Variants in ANGEL1 observed in about 807,000 individuals in gnomAD.
ANGEL1 encodes angel homolog 1.
ANGEL1 carries 62 observed loss-of-function variants against 76.4 expected under a neutral mutation model. The observed-to-expected ratio is 0.81, with a 90% CI of 0.66 to 1.00. ANGEL1 has a LOEUF of 1.00. Ranked by LOEUF, ANGEL1 falls within the 50% of genes least tolerant of loss-of-function variation. The probability of loss-of-function intolerance (pLI) is 0.00; values close to 1 mark genes in which losing one functional copy is unlikely to be tolerated. For missense variants in ANGEL1, 737 were observed against 836.7 expected, an observed-to-expected ratio of 0.88 and a Z score of 1.47; for synonymous variants, 340 against 331.7, an observed-to-expected ratio of 1.03 and a Z score of -0.27.
intron 1 of ANGEL1, among the ~76,000 whole-genome samples, chr14:76,811,534 GC>G (rs1566703034): frequency 0.028 from 3,408 of 121,628 alleles, 179 homozygotes; most frequent in East Asian, 0.085. Context: ...GGCGGGGGGG[GC>G]CCTCCTCTGA....
chr14:76,805,883 C>G (rs373254056), intron 5 of ANGEL1, among the ~76,000 whole-genome samples: 1 of 152,312 alleles, frequency 6.6e-6, no homozygotes, highest in East Asian at 1.9e-4. Context: ...TTAGTTTCCT[C>G]ATTTATAAAA....
Position 76,806,772 on chromosome 14 carries a change from G to A in ANGEL1, c.1024C>T (p.Arg342Cys), listed in dbSNP as rs141369993. Residue 342 changes from arginine (R) to cysteine (C), a missense_variant, in exon 5 of 10, where the codon CGC becomes TGC. Coordinates refer to ENST00000251089, the MANE Select transcript of ANGEL1 (RefSeq NM_015305.4). ...TCCACAGGGCTAGCACAGAGCAGGC[G>A]GAATCTGGTAGGCTTGTAGCAGACA... ...CAVCYKPTRFRLLCASPVEYF... is the reference protein window; with the variant it reads ...CAVCYKPTRFCLLCASPVEYF... 37 of 1,614,082 alleles carry A rather than the reference G, an allele frequency of 2.3e-5. No homozygotes were observed. The highest frequency in any genetic ancestry group is 2.2e-5 in the South Asian group (2 of 91,088).
chr14:76,807,227 T>C (rs770679994), intron 4 of ANGEL1, among the ~76,000 whole-genome samples: 1 of 152,204 alleles, frequency 6.6e-6, no homozygotes, highest in African/African-American at 2.4e-5. Context: ...CTCACCACAT[T>C]GGTTACTTCA....
At chr14:76,798,811 G>C (rs1894660420) in intron 7 of ANGEL1, among the ~76,000 whole-genome samples, 1 of 151,922 alleles carries the variant, frequency 6.6e-6, no homozygotes, top group African/African-American at 2.4e-5. Context: ...AGCTGGGCAT[G>C]GTGTCGCATG....
At chr14:76,790,901 C>G (rs1894386705) in intron 8 of ANGEL1, 127 bp from the exon 9 acceptor site, 1 of 1,308,770 alleles carries the variant, frequency 7.6e-7, no homozygotes, top group African/African-American at 1.5e-5. Context: ...TCAGCCAATT[C>G]CTCCCCATGC....
intron 7 of ANGEL1, among the ~76,000 whole-genome samples, chr14:76,795,988 TTTCA>T (rs575696874): frequency 4.0e-4 from 61 of 152,266 alleles, no homozygotes; most frequent in Non-Finnish European, 6.2e-4. Flanking sequence ...TTTTGCTTTC[TTTCA>T]GTTTCTTTCT....
At chr14:76,798,569 A>T (rs1894652212) in intron 7 of ANGEL1, among the ~76,000 whole-genome samples, 1 of 152,236 alleles carries the variant, frequency 6.6e-6, no homozygotes, top group Admixed American at 6.5e-5. Context: ...ACCATACTGG[A>T]AAAAAGAAAT....
intron 7 of ANGEL1, among the ~76,000 whole-genome samples, chr14:76,799,168 G>A (rs1369408584): frequency 6.6e-6 from 1 of 151,468 alleles, no homozygotes; most frequent in Non-Finnish European, 1.5e-5. Context: ...TGCACAGTTG[G>A]GTTGGATGAT....
In ANGEL1 at chr14:76,807,414, T is replaced by A. The variant is rs1894950541; in HGVS notation, c.946+19A>T. The A allele has an allele frequency of 6.2e-7, 1 of 1,605,922 alleles. No homozygotes were observed. The highest frequency in any genetic ancestry group is 1.7e-5 in the Admixed American group (1 of 59,290). On this transcript the variant is annotated intron_variant, in intron 4 of 9. Coordinates refer to ENST00000251089, the MANE Select transcript of ANGEL1 (RefSeq NM_015305.4). ...CTGTGGAAAGAAAAGCTGGCAAGCATCCCAGGGAGCTGCATTACCCATCAT... is the reference window on the plus strand; with the variant it reads ...CTGTGGAAAGAAAAGCTGGCAAGCAACCCAGGGAGCTGCATTACCCATCAT...
chr14:76,789,230 A>G lies in ANGEL1; in HGVS notation c.2011T>C (p.Ter671ArgextTer49), dbSNP rs1170327597. ...ASFGMEVTAP[*>R] is the part of the protein sequence containing the mutation. Reference sequence around the variant, plus strand: ...GCTCTCTTCCCCTGGGAGCCCTGTCATGGGGCGGTGACTTCCATCCCGAAG... The same window carrying G: ...GCTCTCTTCCCCTGGGAGCCCTGTCGTGGGGCGGTGACTTCCATCCCGAAG... The change falls in exon 10 of 10, where the codon TGA (stop) becomes CGA (arginine). Residue 671 changes from the stop codon to arginine, a stop_lost. Transcript: ENST00000251089. 6.2e-7 allele frequency: 1 copy of G among 1,614,218 alleles called. No individual in the cohort carries two copies. The highest frequency in any genetic ancestry group is 2.2e-5 in the East Asian group (1 of 44,880).
chr14:76,804,450 C>T (rs140005395), intron 5 of ANGEL1: 34 of 992,924 alleles, frequency 3.4e-5, no homozygotes, highest in Non-Finnish European at 4.0e-5. Flanking sequence ...GGGAAACATT[C>T]GGCAACATCA....
chr14:76,789,090 G>A lies in ANGEL1; in HGVS notation c.*138C>T. 1 of 1,213,030 alleles carries A rather than the reference G, an allele frequency of 8.2e-7. No individual in the cohort carries two copies. Among genetic ancestry groups the A allele is most frequent in the South Asian group, 1.4e-5 (1 of 68,994 alleles). The allele number at this position is 1,213,030 out of a possible 1,614,324, so 75.1% of individuals were successfully genotyped here. A position where few individuals can be genotyped will look rare whatever the true frequency, so the allele number is the denominator to read the frequency against. On this transcript the variant is annotated 3_prime_UTR_variant, in exon 10 of 10. Transcript: ENST00000251089. ...CAGGCCTGGAGAAAGTCTAACCGTGGGAAAAAGGGAACGAGGAGGGGGAAG... is the reference window on the plus strand; with the variant it reads ...CAGGCCTGGAGAAAGTCTAACCGTGAGAAAAAGGGAACGAGGAGGGGGAAG...
intron 4 of ANGEL1, 58 bp downstream of exon 4, chr14:76,807,375 G>C: frequency 6.6e-7 from 1 of 1,523,734 alleles, no homozygotes; most frequent in Non-Finnish European, 9.0e-7. Flanking sequence ...GTCTTCAGGA[G>C]AGAGTAGACA....
chr14:76,790,117 C>T (rs1268499149), intron 9 of ANGEL1, among the ~76,000 whole-genome samples: 1 of 152,158 alleles, frequency 6.6e-6, no homozygotes, highest in Non-Finnish European at 1.5e-5. Flanking sequence ...CCACCTCGGC[C>T]TCCCAGAGTG....
intron 1 of ANGEL1, among the ~76,000 whole-genome samples, chr14:76,811,062 G>A (rs1895068591): frequency 6.6e-6 from 1 of 152,126 alleles, no homozygotes; most frequent in African/African-American, 2.4e-5. Context: ...TTTTAACCAC[G>A]GTGATTTTGC....
intron 7 of ANGEL1, among the ~76,000 whole-genome samples, chr14:76,798,552 T>C (rs1894651861): frequency 1.3e-5 from 2 of 152,212 alleles, no homozygotes; most frequent in Admixed American, 1.3e-4. Context: ...AGACAATATC[T>C]TTAAGAACCA....
At chr14:76,797,371 C>T (rs563565602) in intron 7 of ANGEL1, among the ~76,000 whole-genome samples, 9 of 152,200 alleles carry the variant, frequency 5.9e-5, no homozygotes, top group Non-Finnish European at 8.8e-5. Context: ...AGGCCGAAGC[C>T]GGGGGATCAC....
chr14:76,807,607 G>C, intron 3 of ANGEL1, 105 bp from the exon 4 acceptor site: 1 of 1,109,244 alleles, frequency 9.0e-7, no homozygotes, highest in South Asian at 1.3e-5. Flanking sequence ...GGGTCACACT[G>C]AAACTTCCCA....
chr14:76,805,263 A>G (rs1894885279), intron 5 of ANGEL1, among the ~76,000 whole-genome samples: 1 of 152,194 alleles, frequency 6.6e-6, no homozygotes, highest in African/African-American at 2.4e-5. Flanking sequence ...TCAAGGTGGC[A>G]GAGCACGGAT....
Sources: gnomAD v4.1 joint callset for allele counts (sites outside exome capture counted in the v4.1 genomes callset) on GRCh38, gnomAD v4.1.1 for gene constraint, MANE v1.5 for transcripts, NCBI Gene and HGNC (gene_info 2026-07-23, HGNC 2026-07-21) for gene names.